The following BOLL variants were observed in gnomAD, a reference collection of about 807,000 sequenced individuals.
The protein encoded by BOLL is protein boule-like.
Under a neutral mutation model 44.4 loss-of-function variants are expected in BOLL, and 23 were observed. That is an observed-to-expected ratio of 0.52 (90% CI 0.37 to 0.73). The LOEUF is 0.73. BOLL is among the 30% of genes least tolerant of loss of function. The pLI, the probability that BOLL is intolerant of heterozygous loss-of-function variation, is 0.00. For synonymous variants in BOLL, 97 were observed against 110.8 expected (o/e 0.88, Z 0.78); for missense variants, 287 against 338.3 (o/e 0.85, Z 1.19).
At chr2:197,769,503 C>T (rs922672377) in intron 6 of BOLL, among the ~76,000 whole-genome samples, 7 of 151,950 alleles carry the variant, frequency 4.6e-5, no homozygotes, top group Non-Finnish European at 7.4e-5. Context: ...CTGGCCAGGG[C>T]AATCAGGCAG....
chr2:197,785,836 C>G (rs1262352094), upstream of BOLL: 8 of 761,038 alleles, frequency 1.1e-5, no homozygotes, highest in South Asian at 3.0e-5. The surrounding 1 kb of genome is among the most constrained non-coding windows in gnomAD (Gnocchi z 6.7). Flanking sequence ...TGGCAGCGGT[C>G]GATGGGGCAC....
chr2:197,730,181 G>A (rs1687089389), intron 10 of BOLL, among the ~76,000 whole-genome samples: 1 of 134,134 alleles, frequency 7.5e-6, no homozygotes, highest in Non-Finnish European at 1.6e-5. Context: ...AGCCTCAGGA[G>A]CCAATGCGAT....
chr2:197,751,085 T>C (rs1285173627), intron 9 of BOLL, among the ~76,000 whole-genome samples: 1 of 152,096 alleles, frequency 6.6e-6, no homozygotes, highest in Non-Finnish European at 1.5e-5. Context: ...AATAAATAGG[T>C]TCTTTGAAAC....
At chr2:197,741,282 T>C (rs1342270578) in intron 10 of BOLL, among the ~76,000 whole-genome samples, 4 of 152,208 alleles carry the variant, frequency 2.6e-5, no homozygotes, top group Non-Finnish European at 5.9e-5. Flanking sequence ...GCTCTCTGTT[T>C]GTCTGTTATT....
intron 5 of BOLL, among the ~76,000 whole-genome samples, chr2:197,773,446 G>T (rs1689359325): frequency 6.6e-6 from 1 of 151,878 alleles, no homozygotes; most frequent in Non-Finnish European, 1.5e-5. Context: ...ATAGTCATTA[G>T]TTGATTACAC....
rs79669766 is a variant in BOLL, at chr2:197,758,621, C to G, written c.553-1221G>C. On this transcript the variant is annotated intron_variant, in intron 7 of 10. Transcript: ENST00000392296. Reference sequence around the variant, plus strand: ...ATGTTTTATTTACAAAAACAGGCTGCTGGCTGGAGTTTGGTCTGCAAGCCA... The same window carrying G: ...ATGTTTTATTTACAAAAACAGGCTGGTGGCTGGAGTTTGGTCTGCAAGCCA... 1.7e-3 allele frequency among the ~76,000 whole-genome samples: 262 copies of G among 152,258 alleles called. 1 individual carries two copies. The highest frequency in any genetic ancestry group is 5.8e-3 in the African/African-American group (243 of 41,542).
intron 7 of BOLL, among the ~76,000 whole-genome samples, chr2:197,761,948 TAA>T (rs1477147028): frequency 6.6e-6 from 1 of 152,126 alleles, no homozygotes; most frequent in African/African-American, 2.4e-5. Flanking sequence ...CCCAGATATA[TAA>T]AGCAAGTCTT....
At chr2:197,772,100 T>C (rs1689294418) in intron 5 of BOLL, 118 bp from the exon 6 acceptor site, 2 of 818,938 alleles carry the variant, frequency 2.4e-6, no homozygotes, top group Non-Finnish European at 3.4e-6. Flanking sequence ...ATGGTAAAAA[T>C]TGAATGTCAC....
chr2:197,777,507 T>G (rs1689573723), intron 3 of BOLL, among the ~76,000 whole-genome samples: 1 of 151,858 alleles, frequency 6.6e-6, no homozygotes, highest in Non-Finnish European at 1.5e-5. Flanking sequence ...ATTTAAAATT[T>G]CAACACAATA....
intron 1 of BOLL, among the ~76,000 whole-genome samples, chr2:197,782,431 A>G (rs1374593760): frequency 6.6e-6 from 1 of 152,248 alleles, no homozygotes; most frequent in East Asian, 1.9e-4. Flanking sequence ...GGCTGATATG[A>G]GTGACTGCTC....
chr2:197,745,182 G>A (rs1424678822), intron 9 of BOLL, among the ~76,000 whole-genome samples: 1 of 152,088 alleles, frequency 6.6e-6, no homozygotes, highest in Non-Finnish European at 1.5e-5. Flanking sequence ...GTAGTACTGA[G>A]GGCTTGGCAA....
At chr2:197,785,405 G>A (rs1000167671), upstream of BOLL, 22 of 983,152 alleles carry the variant, frequency 2.2e-5, no homozygotes, top group Non-Finnish European at 2.4e-5. This position sits in a 1 kb window ranked among gnomAD's most constrained non-coding sequence, Gnocchi z 6.7. Flanking sequence ...GCTGCGCCTC[G>A]GGCCTGTGCG....
intron 2 of BOLL, among the ~76,000 whole-genome samples, chr2:197,781,052 G>A (rs544817532): frequency 1.8e-4 from 28 of 151,870 alleles, no homozygotes; most frequent in Admixed American, 6.6e-4. Flanking sequence ...TTTTAAGTTC[G>A]GGGTACACGT....
rs143969827 is a variant in BOLL at position 197,781,444 on chromosome 2, G to A, written c.129+278C>T. On this transcript the variant is annotated intron_variant, in intron 2 of 10. Transcript: ENST00000392296. ...CTGGTATGGAAGAGTATGGAGCTAT[G>A]AGACAGAAAACTAGGCTTCTAGTCT... Among the ~76,000 whole-genome samples, 33 of 152,242 alleles carry A rather than the reference G, an allele frequency of 2.2e-4. No homozygotes were observed. The East Asian group carries it at 6.4e-3, about 29-fold the overall frequency.
rs1686944005 is a variant in BOLL, at chr2:197,728,349, C to T, written c.*206G>A. On this transcript the variant is annotated 3_prime_UTR_variant, in exon 11 of 11. Coordinates refer to ENST00000392296, the MANE Select transcript of BOLL (RefSeq NM_033030.6). ...TAAAAAACCAACATGCCACATCTAC[C>T]TAAATAATTTTGTAGAACAGCTGAA... is the stretch of plus-strand genomic sequence containing the variant. 1.4e-6 allele frequency: 1 copy of T among 715,976 alleles called. No homozygotes were observed. Among genetic ancestry groups the T allele is most frequent in the Non-Finnish European group, 2.3e-6 (1 of 436,774 alleles). The allele number at this position is 715,976 out of a possible 1,614,324, so 44.4% of individuals were successfully genotyped here.
chr2:197,736,737 C>A (rs913779226), intron 10 of BOLL, among the ~76,000 whole-genome samples: 1 of 152,030 alleles, frequency 6.6e-6, no homozygotes, highest in Non-Finnish European at 1.5e-5. Context: ...CATGATGAAT[C>A]CTTTTTTGAT....
At position 197,732,364 on chromosome 2, in the gene BOLL, T is replaced by C. The variant is rs1411910126; in HGVS notation, c.829-3786A>G. 4.9e-4 allele frequency among the ~76,000 whole-genome samples: 75 copies of C among 152,246 alleles called. 1 individual carries two copies. Among genetic ancestry groups the C allele is most frequent in the South Asian group, 8.3e-4 (4 of 4,830 alleles). On this transcript the variant is annotated intron_variant, in intron 10 of 10. Transcript: ENST00000392296. Reference sequence around the variant, plus strand: ...GTCCAGGACCAGATGGATTCACAGCTGAATTCTACCAGAGGTACAAGGAAC... The same window carrying C: ...GTCCAGGACCAGATGGATTCACAGCCGAATTCTACCAGAGGTACAAGGAAC...
intron 6 of BOLL, among the ~76,000 whole-genome samples, chr2:197,766,827 A>G (rs1382985115): frequency 6.6e-6 from 1 of 152,064 alleles, no homozygotes; most frequent in Non-Finnish European, 1.5e-5. Context: ...ATGCTAAAAC[A>G]ATCACCAGAA....
chr2:197,740,138 T>TGCAGTGAGTGGTAGTG (rs1559393551), intron 10 of BOLL, among the ~76,000 whole-genome samples: 2 of 152,158 alleles, frequency 1.3e-5, no homozygotes, highest in African/African-American at 4.8e-5. Flanking sequence ...AATGAAGGGA[T>TGCAGTGAGTGGTAGTG]GCAGTGAGTG....
Sources: allele counts gnomAD v4.1 joint callset (sites outside exome capture counted in the v4.1 genomes callset), GRCh38; gene constraint gnomAD v4.1.1; non-coding constraint Gnocchi (gnomAD v3.1); transcripts MANE v1.5; gene names NCBI Gene and HGNC (gene_info 2026-07-23, HGNC 2026-07-21).